AKT2: variants seen among roughly 807,000 people sequenced by gnomAD.
AKT2 encodes AKT serine/threonine kinase 2.
In AKT2, 16 loss-of-function variants were observed where a neutral mutation model predicts 58.6. That is an observed-to-expected ratio of 0.27 (90% CI 0.18 to 0.41). The LOEUF (loss-of-function observed/expected upper bound fraction) is 0.41. Ranked by LOEUF, AKT2 falls within the 10% of genes least tolerant of loss-of-function variation. The pLI is 1.00. For missense variants in AKT2, 438 were observed against 661.0 expected (o/e 0.66, Z 3.70); for synonymous variants, 253 against 254.0 (o/e 1.00, Z 0.04).
chr19:40,268,260 C>T (rs537525529), intron 1 of AKT2, among the ~76,000 whole-genome samples: 1 of 152,232 alleles, frequency 6.6e-6, no homozygotes, highest in Non-Finnish European at 1.5e-5. Context: ...TGGCCCACAG[C>T]GGCCCAGGGA....
At chr19:40,246,961 G>GACAC (rs1974798202) in intron 4 of AKT2, among the ~76,000 whole-genome samples, 2 of 152,226 alleles carry the variant, frequency 1.3e-5, no homozygotes, top group Non-Finnish European at 2.9e-5. Flanking sequence ...GGGTGCCGAA[G>GACAC]ACACTCGCAG....
Position 40,242,378 on chromosome 19 carries a change from AG to A in AKT2, c.441+155del. ...CCCCTACGGGCATGGAGCACACCCTAGGGCACCTGCCACCTGAAATCACCCC... is the reference window on the plus strand; with the variant it reads ...CCCCTACGGGCATGGAGCACACCCTAGGCACCTGCCACCTGAAATCACCCC... On this transcript the variant is annotated intron_variant, in intron 5 of 13. Coordinates refer to ENST00000392038, the MANE Select transcript of AKT2 (RefSeq NM_001626.6). The surrounding 1 kb of genome is among the most constrained non-coding windows in gnomAD (Gnocchi z 4.3). 1 of 1,209,980 alleles carries A rather than the reference AG, an allele frequency of 8.3e-7. No individual in the cohort carries two copies. Among genetic ancestry groups the A allele is most frequent in the Non-Finnish European group, 1.2e-6 (1 of 832,394 alleles). 75.0% of individuals were successfully genotyped at this position (1,209,980 alleles called of 1,614,324 possible). A position where few individuals can be genotyped will look rare whatever the true frequency, so the allele number is the denominator to read the frequency against.
Position 40,242,792 on chromosome 19 carries a change from G to T in AKT2, c.288-105C>A. On this transcript the variant is annotated intron_variant, in intron 4 of 13. Transcript: ENST00000392038. The surrounding 1 kb of genome is among the most constrained non-coding windows in gnomAD (Gnocchi z 4.3). ...CACCCCCAGCAACAGGCAAGCAAAT[G>T]ACCACATAACCATGGGAATTTGGGC... 1 of 1,287,988 alleles carries T rather than the reference G, an allele frequency of 7.8e-7. No individual in the cohort carries two copies. The highest frequency in any genetic ancestry group is 1.1e-6 in the Non-Finnish European group (1 of 917,472). 79.8% of individuals were successfully genotyped at this position (1,287,988 alleles called of 1,614,324 possible). A position where few individuals can be genotyped will look rare whatever the true frequency, so the allele number is the denominator to read the frequency against.
chr19:40,285,118 G>T, intron 1 of AKT2, 63 bp downstream of exon 1: 1 of 388,502 alleles, frequency 2.6e-6, no homozygotes, highest in Non-Finnish European at 4.6e-6. Flanking sequence ...TCGCGGCACC[G>T]CGGGGGGCCC....
At chr19:40,247,901 T>G (rs1488632407) in intron 4 of AKT2, among the ~76,000 whole-genome samples, 3 of 151,720 alleles carry the variant, frequency 2.0e-5, no homozygotes. Context: ...ACTTCCCCCA[T>G]CGGTATTTTC....
intron 3 of AKT2, among the ~76,000 whole-genome samples, chr19:40,256,367 C>T (rs2145302402): frequency 6.6e-6 from 1 of 152,260 alleles, no homozygotes; most frequent in East Asian, 1.9e-4. Flanking sequence ...GGTGACCCAT[C>T]AGGTCAGCAA....
chr19:40,281,286 T>C (rs779243873), intron 1 of AKT2, among the ~76,000 whole-genome samples: 1 of 151,008 alleles, frequency 6.6e-6, no homozygotes, highest in Non-Finnish European at 1.5e-5. Context: ...AGCCCAGGAG[T>C]TCAAGACTAG....
At chr19:40,244,510 G>C (rs1229275877) in intron 4 of AKT2, 1 of 152,070 alleles carries the variant, frequency 6.6e-6, no homozygotes, top group Non-Finnish European at 1.5e-5. Flanking sequence ...AATATATTAG[G>C]CTGAATTACA....
In AKT2 at chr19:40,233,509, G is replaced by A. The variant is rs1973820956; in HGVS notation, c.*363C>T. On this transcript the variant is annotated 3_prime_UTR_variant, in exon 14 of 14. Coordinates refer to ENST00000392038, the MANE Select transcript of AKT2 (RefSeq NM_001626.6). The surrounding 1 kb of genome is among the most constrained non-coding windows in gnomAD (Gnocchi z 4.3). ...GCCTTCGTCCAGATGCAGCAGCGCG[G>A]AGGCAGACACCAGCACGACACCCAG... is the stretch of plus-strand genomic sequence containing the variant. 1 of 608,452 alleles carries A rather than the reference G, an allele frequency of 1.6e-6. No homozygotes were observed. The highest frequency in any genetic ancestry group is 3.1e-6 in the Non-Finnish European group (1 of 317,666). The allele number at this position is 608,452 out of a possible 1,614,324, so 37.7% of individuals were successfully genotyped here.
rs923759146 is a variant in AKT2 at position 40,265,089 on chromosome 19, G to C, written c.46+133C>G. 3 of 1,340,436 alleles carry C rather than the reference G, an allele frequency of 2.2e-6. No homozygotes were observed. The African/African-American group carries it at 4.4e-5, about 19-fold the overall frequency. The allele number at this position is 1,340,436 out of a possible 1,614,324, so 83.0% of individuals were successfully genotyped here. On this transcript the variant is annotated intron_variant, in intron 2 of 13. Coordinates refer to ENST00000392038, the MANE Select transcript of AKT2 (RefSeq NM_001626.6). ...AGTCCACGAAATGGGGGCATAAGCA[G>C]CTGTGGGCCTGGGGCTGCGGAATGC...
Position 40,235,800 on chromosome 19 carries a change from G to C in AKT2, c.1175+90C>G. On this transcript the variant is annotated intron_variant, in intron 11 of 13. Coordinates refer to ENST00000392038, the MANE Select transcript of AKT2 (RefSeq NM_001626.6). The surrounding 1 kb of genome is among the most constrained non-coding windows in gnomAD (Gnocchi z 6.3). ...GACGACACACTGCGACCCTACAAGC[G>C]AGCACCCTTGTGGACGCTGCCCCCT... 1 of 1,346,980 alleles carries C rather than the reference G, an allele frequency of 7.4e-7. No homozygotes were observed. The highest frequency in any genetic ancestry group is 1.0e-6 in the Non-Finnish European group (1 of 992,474). 83.4% of individuals were successfully genotyped at this position (1,346,980 alleles called of 1,614,324 possible).
Position 40,236,926 on chromosome 19 carries a change from G to A in AKT2, c.832-541C>T, listed in dbSNP as rs570611711. 77 of 180,510 alleles carry A rather than the reference G, an allele frequency of 4.3e-4. 1 individual carries two copies. Among genetic ancestry groups the A allele is most frequent in the Non-Finnish European group, 1.2e-4 (10 of 84,736 alleles). 11.2% of individuals were successfully genotyped at this position (180,510 alleles called of 1,614,324 possible). On this transcript the variant is annotated intron_variant, in intron 9 of 13. Transcript: ENST00000392038. ...CACACACCTATAGTCCCAGCTACTTGCGAGGCTGAGGTGGCATCTCCCCCT... is the reference window on the plus strand; with the variant it reads ...CACACACCTATAGTCCCAGCTACTTACGAGGCTGAGGTGGCATCTCCCCCT...
In AKT2 at chr19:40,235,879, C is replaced by G. The variant is rs1973993175; in HGVS notation, c.1175+11G>C. ...GGCGCTGGGCTGGGTGGGGCCGACG[C>G]CAGCCCTCACCTCTGCTTGGGGTCC... On this transcript the variant is annotated intron_variant, in intron 11 of 13. Coordinates refer to ENST00000392038, the MANE Select transcript of AKT2 (RefSeq NM_001626.6). This position sits in a 1 kb window ranked among gnomAD's most constrained non-coding sequence, Gnocchi z 6.3. 6.2e-7 allele frequency: 1 copy of G among 1,602,062 alleles called. No homozygotes were observed. The highest frequency in any genetic ancestry group is 1.7e-5 in the Admixed American group (1 of 59,718).
At chr19:40,276,479 T>C (rs1040206197) in intron 1 of AKT2, among the ~76,000 whole-genome samples, 1 of 141,700 alleles carries the variant, frequency 7.1e-6, no homozygotes, top group Non-Finnish European at 1.5e-5. Flanking sequence ...AATTCTCCTG[T>C]CTCAACCTCC....
At chr19:40,270,456 G>A (rs966187785) in intron 1 of AKT2, 4 of 152,274 alleles carry the variant, frequency 2.6e-5, no homozygotes, top group African/African-American at 4.8e-5. Flanking sequence ...TCCTTTCCTT[G>A]CCACTTACTA....
chr19:40,243,059 T>C (rs1377244141), intron 4 of AKT2: 2 of 308,328 alleles, frequency 6.5e-6, no homozygotes, highest in Non-Finnish European at 1.3e-5. Context: ...GGAGAATTGC[T>C]TGAACCCGGG....
rs1160285478 is a variant in AKT2 at position 40,238,901 on chromosome 19, T to C, written c.708+4A>G. ...AGGGCAAAGTCAAGGCAGCCGCGGCTCACCTCACCCCCGTTGGCATACTCC... is the reference window on the plus strand; with the variant it reads ...AGGGCAAAGTCAAGGCAGCCGCGGCCCACCTCACCCCCGTTGGCATACTCC... On this transcript the variant is annotated splice_donor_region_variant and intron_variant, in intron 8 of 13. Coordinates refer to ENST00000392038, the MANE Select transcript of AKT2 (RefSeq NM_001626.6). This position sits in a 1 kb window ranked among gnomAD's most constrained non-coding sequence, Gnocchi z 5.1. 6.2e-7 allele frequency: 1 copy of C among 1,613,794 alleles called. No homozygotes were observed. Among genetic ancestry groups the C allele is most frequent in the Non-Finnish European group, 8.5e-7 (1 of 1,179,976 alleles).
At chr19:40,241,785 G>A (rs995770528) in intron 6 of AKT2, 153 bp downstream of exon 6, 2 of 1,173,592 alleles carry the variant, frequency 1.7e-6, no homozygotes, top group Admixed American at 4.0e-5. Flanking sequence ...CTCCTCTCTG[G>A]GCCTCAGGCT....
intron 9 of AKT2, 145 bp from the exon 10 acceptor site, chr19:40,236,530 C>A: frequency 9.0e-7 from 1 of 1,109,144 alleles, no homozygotes; most frequent in Non-Finnish European, 1.3e-6. Flanking sequence ...GCCTCACCCT[C>A]TGAGGCTCAG....
Sources: gnomAD v4.1 joint callset for allele counts (sites outside exome capture counted in the v4.1 genomes callset) on GRCh38, gnomAD v4.1.1 for gene constraint, Gnocchi (gnomAD v3.1) non-coding constraint, MANE v1.5 for transcripts, NCBI Gene and HGNC (gene_info 2026-07-23, HGNC 2026-07-21) for gene names.